RALGAPB: variants seen among roughly 807,000 people sequenced by gnomAD.
RALGAPB encodes the protein Ral GTPase activating protein non-catalytic subunit beta.
RALGAPB carries 25 observed loss-of-function variants against 161.1 expected under a neutral mutation model. The ratio of observed to expected loss-of-function variants is 0.16; its 90% CI spans 0.11 to 0.22. The LOEUF (loss-of-function observed/expected upper bound fraction) is 0.22. RALGAPB is among the 10% of genes least tolerant of loss of function. The pLI, the probability that RALGAPB is intolerant of heterozygous loss-of-function variation, is 1.00. For missense variants in RALGAPB, 1,391 were observed against 1,815.2 expected (o/e 0.77, Z 4.25); for synonymous variants, 629 against 626.1 (o/e 1.00, Z -0.07).
intron 1 of RALGAPB, among the ~76,000 whole-genome samples, chr20:38,480,385 C>CTT (rs71189925): frequency 7.0e-5 from 9 of 128,740 alleles, no homozygotes; most frequent in East Asian, 2.2e-4. Flanking sequence ...TTCTTTCTTT[C>CTT]TTTTTTTTTT....
Position 38,554,632 on chromosome 20 carries a change from C to T in RALGAPB, c.3372+556C>T, listed in dbSNP as rs893469097. Among the ~76,000 whole-genome samples, 171 of 152,118 alleles carry T rather than the reference C, an allele frequency of 1.1e-3. 2 individuals are homozygous for T. The highest frequency in any genetic ancestry group is 5.4e-4 in the Non-Finnish European group (37 of 68,014). Reference sequence around the variant, plus strand: ...TCATCTTGTCTTAGTTCCTCATCATCTATAAAGTGAGGATGATAAAAGTAT... The same window carrying T: ...TCATCTTGTCTTAGTTCCTCATCATTTATAAAGTGAGGATGATAAAAGTAT... On this transcript the variant is annotated intron_variant, in intron 22 of 29. Coordinates refer to ENST00000262879, the MANE Select transcript of RALGAPB (RefSeq NM_020336.4).
chr20:38,531,355 C>A, intron 14 of RALGAPB, 124 bp downstream of exon 14: 1 of 775,102 alleles, frequency 1.3e-6, no homozygotes, highest in Non-Finnish European at 2.1e-6. Flanking sequence ...CTCATTGGCT[C>A]AGAAGTTTTC....
At chr20:38,475,652 TC>T (rs775783924) in intron 1 of RALGAPB, among the ~76,000 whole-genome samples, 2 of 151,326 alleles carry the variant, frequency 1.3e-5, no homozygotes, top group African/African-American at 4.9e-5. Context: ...TCTCGCTCTG[TC>T]CCCCAGGCTG....
At position 38,474,885 on chromosome 20, in the gene RALGAPB, C is replaced by T. The variant is rs75530566; in HGVS notation, c.-31+1816C>T. 7.4e-4 allele frequency among the ~76,000 whole-genome samples: 113 copies of T among 152,212 alleles called. 1 individual carries two copies. The East Asian group carries it at 0.01, about 14-fold the overall frequency. The stretch of plus-strand genomic sequence containing the variant: ...TTTATGTCATAGATAGATCATGTTG[C>T]GAACAGATTCTTCTCTATTTCCATT... On this transcript the variant is annotated intron_variant, in intron 1 of 29. Transcript: ENST00000262879.
Position 38,576,044 on chromosome 20 carries a change from A to G in RALGAPB, c.*1077A>G, listed in dbSNP as rs1413716766. On this transcript the variant is annotated 3_prime_UTR_variant, in exon 30 of 30. Transcript: ENST00000262879. ...GCTACTGTTAGAAATGGCTGTTGTC[A>G]TGTTTTCTGGACTTTGCCAGCCAAC... is the stretch of plus-strand genomic sequence containing the variant. 6.6e-6 allele frequency: 1 copy of G among 152,322 alleles called. No homozygotes were observed. The highest frequency in any genetic ancestry group is 1.5e-5 in the Non-Finnish European group (1 of 68,020). 9.4% of individuals were successfully genotyped at this position (152,322 alleles called of 1,614,324 possible).
At chr20:38,566,840 G>A (rs375714018) in intron 25 of RALGAPB, among the ~76,000 whole-genome samples, 1 of 152,276 alleles carries the variant, frequency 6.6e-6, no homozygotes, top group South Asian at 2.1e-4. Context: ...GCCAAATGCC[G>A]CCAAGAATGG....
At chr20:38,573,837 A>G (rs1044950254) in intron 28 of RALGAPB, 1 of 178,558 alleles carries the variant, frequency 5.6e-6, no homozygotes, top group Non-Finnish European at 1.2e-5. Context: ...CATGCAGCAG[A>G]GTACTCTTGG....
chr20:38,523,069 G>A (rs151189607), intron 10 of RALGAPB, among the ~76,000 whole-genome samples: 2 of 151,958 alleles, frequency 1.3e-5, no homozygotes, highest in African/African-American at 2.4e-5. Flanking sequence ...CAGAAGAATC[G>A]CTTCAACCCA....
chr20:38,567,001 G>C lies in RALGAPB; in HGVS notation c.3818-95G>C, dbSNP rs188330674. On this transcript the variant is annotated intron_variant, in intron 25 of 29. Coordinates refer to ENST00000262879, the MANE Select transcript of RALGAPB (RefSeq NM_020336.4). ...TCTCGAAGCAATGCTTTGTTTAAGT[G>C]ATTTAGGTTAGACTGGTGAGCATAA... is the stretch of plus-strand genomic sequence containing the variant. The C allele has an allele frequency of 1.4e-4, 203 of 1,484,424 alleles. 3 individuals are homozygous for C. The African/African-American group carries it at 2.7e-3, about 20-fold the overall frequency. The allele number at this position is 1,484,424 out of a possible 1,614,324, so 92.0% of individuals were successfully genotyped here.
At chr20:38,509,500 TC>T (rs1297444416) in intron 6 of RALGAPB, among the ~76,000 whole-genome samples, 1 of 152,230 alleles carries the variant, frequency 6.6e-6, no homozygotes, top group East Asian at 1.9e-4. Flanking sequence ...TGATGATCTT[TC>T]TCTTGGGATT....
At chr20:38,550,939 C>T (rs2087353015) in intron 20 of RALGAPB, 132 bp from the exon 21 acceptor site, 2 of 995,184 alleles carry the variant, frequency 2.0e-6, no homozygotes, top group Non-Finnish European at 3.0e-6. Context: ...GTAGCATTTG[C>T]AGGTTCTGAG....
chr20:38,505,846 G>A (rs567028360), intron 5 of RALGAPB, among the ~76,000 whole-genome samples: 1 of 152,232 alleles, frequency 6.6e-6, no homozygotes, highest in African/African-American at 2.4e-5. Context: ...TCTAGATATA[G>A]ATAAGGGTTC....
chr20:38,492,427 A>T (rs805537), intron 2 of RALGAPB, among the ~76,000 whole-genome samples: 189 of 146,988 alleles, frequency 1.3e-3, no homozygotes, highest in Non-Finnish European at 1.6e-3. Context: ...TATTATTATT[A>T]TTTTTTTTTT....
chr20:38,505,505 A>G (rs562836027), intron 5 of RALGAPB, among the ~76,000 whole-genome samples: 10 of 152,350 alleles, frequency 6.6e-5, no homozygotes, highest in African/African-American at 2.4e-4. Context: ...ATCATGCAGT[A>G]TACCCAGATA....
At chr20:38,510,170 A>G (rs1401844097) in intron 6 of RALGAPB, among the ~76,000 whole-genome samples, 3 of 151,810 alleles carry the variant, frequency 2.0e-5, no homozygotes, top group African/African-American at 4.8e-5. Context: ...ACACACAGAC[A>G]CACGCATGCA....
At position 38,577,095 on chromosome 20, in the gene RALGAPB, G is replaced by A. The variant is rs1601109009; in HGVS notation, c.*2128G>A. On this transcript the variant is annotated 3_prime_UTR_variant, in exon 30 of 30. Transcript: ENST00000262879. ...CCTCGTCTTCCAGGGAAGGAAGGATGTGCAGCCCCTGAAGGCATGAAACTC... is the reference window on the plus strand; with the variant it reads ...CCTCGTCTTCCAGGGAAGGAAGGATATGCAGCCCCTGAAGGCATGAAACTC... 1 of 152,198 alleles carries A rather than the reference G, an allele frequency of 6.6e-6. No individual in the cohort carries two copies. The highest frequency in any genetic ancestry group is 2.4e-5 in the African/African-American group (1 of 41,442). 9.4% of individuals were successfully genotyped at this position (152,198 alleles called of 1,614,324 possible).
At chr20:38,508,289 T>TA (rs1261491631) in intron 5 of RALGAPB, among the ~76,000 whole-genome samples, 1 of 151,770 alleles carries the variant, frequency 6.6e-6, no homozygotes, top group African/African-American at 2.4e-5. Context: ...GAAGAAATGA[T>TA]AAAAAATGAT....
intron 15 of RALGAPB, 143 bp downstream of exon 15, chr20:38,533,002 T>A: frequency 1.0e-6 from 1 of 996,730 alleles, no homozygotes; most frequent in Non-Finnish European, 1.4e-6. Context: ...CTTAAGAAGC[T>A]AAGAAAAAAC....
intron 1 of RALGAPB, among the ~76,000 whole-genome samples, chr20:38,475,167 C>G (rs533106494): frequency 3.9e-5 from 6 of 152,232 alleles, no homozygotes; most frequent in African/African-American, 1.4e-4. Flanking sequence ...TGCATGTGTT[C>G]CCTACTTCAT....
Sources: allele counts gnomAD v4.1 joint callset (sites outside exome capture counted in the v4.1 genomes callset), GRCh38; gene constraint gnomAD v4.1.1; transcripts MANE v1.5; gene names NCBI Gene and HGNC (gene_info 2026-07-23, HGNC 2026-07-21).